Variants in NCOA1 observed in about 807,000 individuals in gnomAD.
The protein encoded by NCOA1 is Hin-2 protein.
In NCOA1, 35 loss-of-function variants were observed where a neutral mutation model predicts 150.9. The ratio of observed to expected loss-of-function variants is 0.23; its 90% CI spans 0.18 to 0.31. The LOEUF (loss-of-function observed/expected upper bound fraction) is 0.31. NCOA1 is among the 10% of genes least tolerant of loss of function. NCOA1 has a pLI of 1.00. For synonymous variants in NCOA1, 590 were observed against 630.0 expected (o/e 0.94, Z 0.95); for missense variants, 1,491 against 1,749.3 (o/e 0.85, Z 2.63).
chr2:24,613,502 G>C (rs534507736), intron 3 of NCOA1, among the ~76,000 whole-genome samples: 1 of 152,288 alleles, frequency 6.6e-6, no homozygotes, highest in Admixed American at 6.5e-5. Context: ...ACCCAGAGGT[G>C]GTCCTAGGCA....
intron 19 of NCOA1, among the ~76,000 whole-genome samples, chr2:24,744,478 A>G (rs1182356365): frequency 1.3e-5 from 2 of 152,226 alleles, no homozygotes; most frequent in African/African-American, 4.8e-5. Context: ...AATTTCTGTC[A>G]CCACTCTTAA....
At chr2:24,516,963 TAC>T (rs1664211246) in intron 1 of NCOA1, among the ~76,000 whole-genome samples, 1 of 97,830 alleles carries the variant, frequency 1.0e-5, no homozygotes, top group Non-Finnish European at 2.2e-5. Context: ...CAAGTATATA[TAC>T]GTATATATAC....
At chr2:24,684,541 C>G (rs577022370) in intron 8 of NCOA1, among the ~76,000 whole-genome samples, 19 of 152,306 alleles carry the variant, frequency 1.2e-4, no homozygotes, top group African/African-American at 4.3e-4. Context: ...GCTAGTGGTG[C>G]TGCTCCCGGC....
At chr2:24,557,099 C>T (rs761882637) in intron 1 of NCOA1, among the ~76,000 whole-genome samples, 1 of 149,520 alleles carries the variant, frequency 6.7e-6, no homozygotes, top group Admixed American at 6.8e-5. Flanking sequence ...CAGCCACGCC[C>T]CATTCCCAAT....
intron 1 of NCOA1, among the ~76,000 whole-genome samples, chr2:24,513,163 G>A (rs1374469641): frequency 6.6e-5 from 10 of 152,072 alleles, no homozygotes; most frequent in Non-Finnish European, 1.0e-4. Context: ...AAATCATTCC[G>A]TGCACCTTCT....
intron 1 of NCOA1, among the ~76,000 whole-genome samples, chr2:24,502,899 T>C (rs1228989605): frequency 6.6e-6 from 1 of 152,230 alleles, no homozygotes; most frequent in Non-Finnish European, 1.5e-5. Context: ...TTTATTTTCC[T>C]TGTTATTCGC....
intron 1 of NCOA1, among the ~76,000 whole-genome samples, chr2:24,499,527 TGAC>T (rs998843250): frequency 1.3e-5 from 2 of 152,194 alleles, no homozygotes; most frequent in African/African-American, 4.8e-5. Flanking sequence ...TTCATACCAT[TGAC>T]TTTTTTTTTT....
intron 4 of NCOA1, among the ~76,000 whole-genome samples, chr2:24,646,868 TG>T (rs1670500429): frequency 6.6e-6 from 1 of 151,992 alleles, no homozygotes; most frequent in African/African-American, 2.4e-5. Context: ...ACACACAAAT[TG>T]TAGGACCCAA....
chr2:24,650,590 C>G (rs1670669867), intron 4 of NCOA1, among the ~76,000 whole-genome samples: 1 of 152,056 alleles, frequency 6.6e-6, no homozygotes, highest in Non-Finnish European at 1.5e-5. Flanking sequence ...AAGTTAAACC[C>G]AACCCAAAAT....
chr2:24,531,551 C>T (rs1664902437), intron 1 of NCOA1, among the ~76,000 whole-genome samples: 1 of 152,086 alleles, frequency 6.6e-6, no homozygotes, highest in Non-Finnish European at 1.5e-5. Flanking sequence ...TGGTTTGCTG[C>T]ACCTATCAAC....
intron 3 of NCOA1, among the ~76,000 whole-genome samples, chr2:24,627,446 C>T (rs535349660): frequency 3.3e-5 from 5 of 151,984 alleles, no homozygotes; most frequent in Non-Finnish European, 7.4e-5. Flanking sequence ...TTAAGGGGTA[C>T]GAAGAACTGG....
intron 1 of NCOA1, among the ~76,000 whole-genome samples, chr2:24,517,580 G>A (rs576491447): frequency 1.3e-5 from 2 of 152,232 alleles, no homozygotes; most frequent in African/African-American, 2.4e-5. Flanking sequence ...CCTAGCAAGC[G>A]TGTCTTTAAC....
chr2:24,674,909 C>T (rs1315377507), intron 7 of NCOA1, among the ~76,000 whole-genome samples: 1 of 152,136 alleles, frequency 6.6e-6, no homozygotes, highest in Non-Finnish European at 1.5e-5. Flanking sequence ...TGCATTCTAG[C>T]TTCCTTAACT....
At chr2:24,531,414 C>G (rs1664896624) in intron 1 of NCOA1, among the ~76,000 whole-genome samples, 2 of 152,154 alleles carry the variant, frequency 1.3e-5, no homozygotes, top group Admixed American at 1.3e-4. Flanking sequence ...AAAAAATAAT[C>G]TATTTTGCAG....
chr2:24,511,281 G>A (rs1663924834), intron 1 of NCOA1, among the ~76,000 whole-genome samples: 1 of 152,140 alleles, frequency 6.6e-6, no homozygotes, highest in Admixed American at 6.5e-5. Flanking sequence ...ATGGACATAT[G>A]TTTTCATTTG....
At chr2:24,676,104 A>G (rs577114801) in intron 7 of NCOA1, among the ~76,000 whole-genome samples, 2 of 152,256 alleles carry the variant, frequency 1.3e-5, no homozygotes, top group South Asian at 4.1e-4. Flanking sequence ...CTTCTGTGGC[A>G]GTGGGGTCAC....
chr2:24,712,381 G>A (rs1450845113), intron 14 of NCOA1, among the ~76,000 whole-genome samples: 1 of 152,168 alleles, frequency 6.6e-6, no homozygotes, highest in Non-Finnish European at 1.5e-5. Context: ...TCCAATATGG[G>A]AGACTGGAAG....
At chr2:24,535,460 A>G in intron 1 of NCOA1, among the ~76,000 whole-genome samples, 1 of 152,010 alleles carries the variant, frequency 6.6e-6, no homozygotes, top group African/African-American at 2.4e-5. Flanking sequence ...TTTAAGGTTA[A>G]TATTATTATG....
Position 24,710,912 on chromosome 2 carries a change from CT to C in NCOA1, c.2419-16del. 3 of 1,610,190 alleles carry C rather than the reference CT, an allele frequency of 1.9e-6. No individual in the cohort carries two copies. The highest frequency in any genetic ancestry group is 2.5e-6 in the Non-Finnish European group (3 of 1,177,698). ...AAAGTGTAAAATATATTTCCTCTAA[CT>C]TTGGTTTCCATTCTTAGTTTACAGC... On this transcript the variant is annotated intron_variant, in intron 13 of 22. Transcript: ENST00000348332.
Sources: gnomAD v4.1 joint callset for allele counts (sites outside exome capture counted in the v4.1 genomes callset) on GRCh38, gnomAD v4.1.1 for gene constraint, MANE v1.5 for transcripts, NCBI Gene and HGNC (gene_info 2026-07-23, HGNC 2026-07-21) for gene names.